The following CDH2 variants were observed in gnomAD, a reference collection of about 807,000 sequenced individuals.
CDH2 encodes the protein cadherin-2.
A neutral mutation model predicts 92.0 loss-of-function variants in CDH2; 17 were observed. The ratio of observed to expected loss-of-function variants is 0.18; its 90% CI spans 0.13 to 0.28. The LOEUF (loss-of-function observed/expected upper bound fraction) is 0.28, where lower values mean the gene tolerates loss of function less well. Ranked by LOEUF, CDH2 falls within the 10% of genes least tolerant of loss-of-function variation. The pLI is 1.00. For missense variants in CDH2, 862 were observed against 1,133.1 expected (o/e 0.76, Z 3.44); for synonymous variants, 419 against 415.9 (o/e 1.01, Z -0.09).
At chr18:28,117,571 CAAG>C (rs2015516771) in intron 2 of CDH2, among the ~76,000 whole-genome samples, 1 of 152,064 alleles carries the variant, frequency 6.6e-6, no homozygotes, top group African/African-American at 2.4e-5. Flanking sequence ...TTTAAACTAT[CAAG>C]AAAAGTTCAT....
chr18:28,058,728 T>C (rs990061922), intron 2 of CDH2, among the ~76,000 whole-genome samples: 5 of 152,218 alleles, frequency 3.3e-5, no homozygotes, highest in Non-Finnish European at 7.3e-5. Flanking sequence ...GCAACATCCC[T>C]AATCCGACTG....
intron 15 of CDH2, chr18:27,954,510 T>A (rs967562653): frequency 1.3e-5 from 2 of 152,332 alleles, no homozygotes; most frequent in East Asian, 1.9e-4. Context: ...CCTTTCCCCC[T>A]CTGCCAGGAG....
chr18:27,976,838 A>AT (rs1160344360), intron 14 of CDH2, among the ~76,000 whole-genome samples: 9 of 152,290 alleles, frequency 5.9e-5, no homozygotes, highest in Admixed American at 5.2e-4. Context: ...AATGTTTGTA[A>AT]TTAAGTCTAA....
chr18:28,155,390 A>G (rs1170523906), intron 1 of CDH2, among the ~76,000 whole-genome samples: 1 of 152,180 alleles, frequency 6.6e-6, no homozygotes, highest in Admixed American at 6.5e-5. Context: ...TGATGCTGGT[A>G]TTGTTTTGAT....
At chr18:28,064,136 A>AC (rs1555637928) in intron 2 of CDH2, among the ~76,000 whole-genome samples, 2 of 148,384 alleles carry the variant, frequency 1.3e-5, no homozygotes, top group Admixed American at 1.3e-4. Context: ...TCCTCAAAAG[A>AC]GGGGGGGGTA....
At chr18:28,043,592 T>C (rs1354101137) in intron 2 of CDH2, among the ~76,000 whole-genome samples, 1 of 148,064 alleles carries the variant, frequency 6.8e-6, no homozygotes, top group African/African-American at 2.5e-5. Context: ...TAGTGGCTGA[T>C]GGCACTGAGT....
At chr18:27,943,888 C>T (rs1909202473) in intron 6 of CDH2, among the ~76,000 whole-genome samples, 1 of 152,104 alleles carries the variant, frequency 6.6e-6, no homozygotes, top group Non-Finnish European at 1.5e-5. Flanking sequence ...TGCAGAGTTA[C>T]TAGTGCAGTG....
intron 6 of CDH2, among the ~76,000 whole-genome samples, chr18:27,935,781 T>C (rs1909004117): frequency 6.6e-6 from 1 of 152,262 alleles, no homozygotes; most frequent in Non-Finnish European, 1.5e-5. Flanking sequence ...TATTGTTCAA[T>C]GGCTATCTTT....
chr18:28,067,409 C>A lies in CDH2; in HGVS notation c.173-53500G>T, dbSNP rs531213781. The stretch of plus-strand genomic sequence containing the variant: ...CAATCCCAATCCCCTACCACCCAAC[C>A]TTAGGCAACTACTAATCTACCTTCT... On this transcript the variant is annotated intron_variant, in intron 2 of 15. Coordinates refer to ENST00000269141, the MANE Select transcript of CDH2 (RefSeq NM_001792.5). Among the ~76,000 whole-genome samples, 30 of 152,252 alleles carry A rather than the reference C, an allele frequency of 2.0e-4. No homozygotes were observed. In the South Asian group the frequency reaches 5.8e-3, roughly 29 times the overall value.
chr18:28,053,071 C>T (rs1004240075), intron 2 of CDH2, among the ~76,000 whole-genome samples: 11 of 152,096 alleles, frequency 7.2e-5, no homozygotes, highest in Non-Finnish European at 1.6e-4. Context: ...AGAAGGCTAT[C>T]GGGGAGAAGA....
In CDH2 at chr18:28,163,099, C is replaced by T. The variant is rs187648897; in HGVS notation, c.60+13864G>A. ...TCCAACAGGCTAGTGTTCATAAAGA[C>T]ACTTCAAGGCAAACCAAAAGGTCAA... On this transcript the variant is annotated intron_variant, in intron 1 of 15. Transcript: ENST00000269141. Among the ~76,000 whole-genome samples, 9 of 152,286 alleles carry T rather than the reference C, an allele frequency of 5.9e-5. No individual in the cohort carries two copies. In the East Asian group the frequency reaches 1.7e-3, roughly 29 times the overall value.
intron 7 of CDH2, among the ~76,000 whole-genome samples, chr18:27,997,505 G>C (rs2012620331): frequency 6.6e-6 from 1 of 152,086 alleles, no homozygotes; most frequent in Admixed American, 6.6e-5. Flanking sequence ...CTATCAGGTT[G>C]GTGCAAAAGT....
intron 1 of CDH2, among the ~76,000 whole-genome samples, chr18:28,158,114 A>T (rs2016250321): frequency 6.6e-6 from 1 of 152,202 alleles, no homozygotes; most frequent in African/African-American, 2.4e-5. Context: ...ACTCTGATTT[A>T]ATTTGAGTAG....
intron 6 of CDH2, among the ~76,000 whole-genome samples, chr18:27,933,188 C>A (rs1396441154): frequency 6.6e-6 from 1 of 152,082 alleles, no homozygotes; most frequent in Non-Finnish European, 1.5e-5. Context: ...TAACACATAC[C>A]ATTAAACAGG....
chr18:28,106,411 C>T (rs1275620447), intron 2 of CDH2, among the ~76,000 whole-genome samples: 2 of 148,494 alleles, frequency 1.3e-5, no homozygotes, highest in African/African-American at 2.5e-5. Flanking sequence ...AGTGAGATTG[C>T]ATTTCAAGAA....
chr18:27,944,754 TAAAAAAAAAAAA>T lies in CDH2; in HGVS notation c.1152-11642_1152-11631del, dbSNP rs869217652. 7.3e-3 allele frequency among the ~76,000 whole-genome samples: 614 copies of T among 83,572 alleles called. 10 individuals are homozygous for T. Among genetic ancestry groups the T allele is most frequent in the African/African-American group, 0.028 (588 of 21,286 alleles). The allele number at this position is 83,572 out of a possible 152,430, so 54.8% of individuals were successfully genotyped here. A position where few individuals can be genotyped will look rare whatever the true frequency, so the allele number is the denominator to read the frequency against. ...TGGCAACATAGTGAGACTTCCTTTC[TAAAAAAAAAAAA>T]AAAAAAAAAAGGCCAGGCACACCCT... On this transcript the variant is annotated intron_variant, in intron 6 of 6. Coordinates refer to the CDH2 transcript ENST00000675173.
chr18:28,127,635 C>T, intron 2 of CDH2, among the ~76,000 whole-genome samples: 1 of 150,052 alleles, frequency 6.7e-6, no homozygotes, highest in East Asian at 1.9e-4. Flanking sequence ...AAGCCATGAC[C>T]AAAAAAAAAC....
intron 2 of CDH2, among the ~76,000 whole-genome samples, chr18:28,107,375 T>C (rs1195453770): frequency 6.6e-6 from 1 of 151,934 alleles, no homozygotes; most frequent in Non-Finnish European, 1.5e-5. Context: ...GAATATGGAG[T>C]GTATGACGGT....
At chr18:28,089,308 A>T (rs1465677149) in intron 2 of CDH2, among the ~76,000 whole-genome samples, 2 of 152,192 alleles carry the variant, frequency 1.3e-5, no homozygotes, top group African/African-American at 2.4e-5. Flanking sequence ...AATACAATGA[A>T]ATTCCTTCTA....
Sources: gnomAD v4.1 joint callset for allele counts (sites outside exome capture counted in the v4.1 genomes callset) on GRCh38, gnomAD v4.1.1 for gene constraint, MANE v1.5 for transcripts, NCBI Gene and HGNC (gene_info 2026-07-23, HGNC 2026-07-21) for gene names.